Variants in NOX5 observed in about 807,000 individuals in gnomAD.
NOX5 encodes the protein NADPH oxidase 5.
Under a neutral mutation model 85.7 loss-of-function variants are expected in NOX5, and 76 were observed. The ratio of observed to expected loss-of-function variants is 0.89; its 90% CI spans 0.74 to 1.07. NOX5 has a LOEUF of 1.07. Ranked by LOEUF, NOX5 falls within the 50% of genes least tolerant of loss-of-function variation. The pLI, the probability that NOX5 is intolerant of heterozygous loss-of-function variation, is 0.00. For missense variants in NOX5, 973 were observed against 999.5 expected (o/e 0.97, Z 0.36); for synonymous variants, 405 against 401.4 (o/e 1.01, Z -0.11).
At chr15:69,032,874 A>C (rs1260486114) in intron 4 of NOX5, among the ~76,000 whole-genome samples, 169 bp from the exon 5 acceptor site, 1 of 152,092 alleles carries the variant, frequency 6.6e-6, no homozygotes, top group African/African-American at 2.4e-5. Flanking sequence ...AGCTCCGCGG[A>C]GCTGTGCGAC....
Position 69,042,716 on chromosome 15 carries a change from G to A in NOX5, c.1558G>A (p.Glu520Lys), listed in dbSNP as rs1399390610. The A allele has an allele frequency of 6.2e-7, 1 of 1,614,156 alleles. No individual in the cohort carries two copies. Among genetic ancestry groups the A allele is most frequent in the Non-Finnish European group, 8.5e-7 (1 of 1,180,034 alleles). The change falls in exon 10 of 16, where the codon GAG (glutamate) becomes AAG (lysine). Residue 520 changes from glutamate to lysine, a missense_variant. Glu to Lys is a moderately conservative substitution (Grantham distance 56, BLOSUM62 1). Coordinates refer to ENST00000388866, the MANE Select transcript of NOX5 (RefSeq NM_024505.4). ...SQGQWTNRLYESFKASDPLGR... is the reference protein window; with the variant it reads ...SQGQWTNRLYKSFKASDPLGR... ...AGGCCAGTGGACAAACAGGCTGTAT[G>A]AGTCCTTCAAGGCATCAGACCCACT... is the stretch of plus-strand genomic sequence containing the variant.
At position 69,014,720 on chromosome 15, in the gene NOX5, T is replaced by C; in HGVS notation, c.-16T>C. 1 of 1,550,588 alleles carries C rather than the reference T, an allele frequency of 6.4e-7. No homozygotes were observed. The highest frequency in any genetic ancestry group is 8.7e-7 in the Non-Finnish European group (1 of 1,146,942). ...AGCAGTCTTTCTGGGACCTGTGATC[T>C]AGAAGACAGGAGAAGATGAACACAT... On this transcript the variant is annotated 5_prime_UTR_variant, in exon 1 of 16. Transcript: ENST00000388866.
chr15:69,028,364 T>G lies in NOX5; in HGVS notation c.324T>G (p.Asp108Glu). 1 of 1,595,330 alleles carries G rather than the reference T, an allele frequency of 6.3e-7. No homozygotes were observed. Among genetic ancestry groups the G allele is most frequent in the Non-Finnish European group, 8.6e-7 (1 of 1,169,576 alleles). ...LKFLFQVYDI[D>E]VCARQGASAG... The stretch of plus-strand genomic sequence containing the variant: ...TCCTCTTCCAGGTGTATGACATCGA[T>G]GGTAAGGGCTCTTCCTGGGTGTGGG... Residue 108 changes from aspartate to glutamate, a missense_variant and splice_region_variant, in exon 3 of 16, where the codon GAT becomes GAG. Transcript: ENST00000388866.
chr15:69,057,498 C>A lies in NOX5; in HGVS notation c.*802C>A, dbSNP rs764157593. 1.3e-5 allele frequency: 2 copies of A among 152,286 alleles called. No homozygotes were observed. The highest frequency in any genetic ancestry group is 2.9e-5 in the Non-Finnish European group (2 of 68,082). 9.4% of individuals were successfully genotyped at this position (152,286 alleles called of 1,614,324 possible). ...TCTCCCTCTCTCCTGGCGCGTCCCT[C>A]AGAGCCTCTCTGGGCTCTGTATGCT... On this transcript the variant is annotated 3_prime_UTR_variant, in exon 16 of 16. Transcript: ENST00000388866.
chr15:69,022,917 G>A (rs2050312301), intron 1 of NOX5: 2 of 482,260 alleles, frequency 4.1e-6, no homozygotes, highest in African/African-American at 2.0e-5. Context: ...GGATGTCTAA[G>A]TAGGGACGAA....
chr15:69,026,438 T>C, intron 1 of NOX5, 90 bp from the exon 2 acceptor site: 1 of 1,553,282 alleles, frequency 6.4e-7, no homozygotes, highest in East Asian at 2.3e-5. Flanking sequence ...GGGCCCTAGT[T>C]AGAGCAAGGC....
In NOX5 at chr15:69,060,784, A is replaced by C. The variant is rs2050863847; in HGVS notation, c.*4088A>C. 6.6e-6 allele frequency: 1 copy of C among 152,226 alleles called. No homozygotes were observed. Among genetic ancestry groups the C allele is most frequent in the Admixed American group, 6.5e-5 (1 of 15,282 alleles). 9.4% of individuals were successfully genotyped at this position (152,226 alleles called of 1,614,324 possible). A position where few individuals can be genotyped will look rare whatever the true frequency, so the allele number is the denominator to read the frequency against. ...AATGACATATGTATATCATGTGGGG[A>C]TAAATAGATAAAAATACACGGAAAG... On this transcript the variant is annotated 3_prime_UTR_variant, in exon 16 of 16. Coordinates refer to ENST00000388866, the MANE Select transcript of NOX5 (RefSeq NM_024505.4).
chr15:69,027,437 G>A (rs2050372282), intron 2 of NOX5, among the ~76,000 whole-genome samples: 1 of 152,148 alleles, frequency 6.6e-6, no homozygotes, highest in Non-Finnish European at 1.5e-5. Flanking sequence ...CCAAGGCAAG[G>A]TGGCAGTTTT....
chr15:69,024,992 ATATT>A (rs1039814366), intron 1 of NOX5, among the ~76,000 whole-genome samples: 14 of 152,080 alleles, frequency 9.2e-5, no homozygotes, highest in African/African-American at 2.7e-4. Flanking sequence ...TTTATTTTTA[ATATT>A]TATTTAGTCT....
intron 10 of NOX5, 110 bp downstream of exon 10, chr15:69,042,915 A>G: frequency 8.4e-7 from 1 of 1,197,066 alleles, no homozygotes; most frequent in Non-Finnish European, 1.2e-6. Context: ...CTGTGTACAT[A>G]GATGGCAGCA....
rs1394882321 is a variant in NOX5, at chr15:69,035,854, C to T, written c.1106C>T (p.Pro369Leu). The T allele has an allele frequency of 1.1e-5, 17 of 1,614,090 alleles. No homozygotes were observed. Among genetic ancestry groups the T allele is most frequent in the Admixed American group, 1.0e-4 (6 of 60,022 alleles). Residue 369 changes from proline to leucine, a missense_variant, in exon 7 of 16, where the codon CCG (proline) becomes CTG (leucine). Pro to Leu is a moderately conservative substitution (Grantham distance 98, BLOSUM62 -3). Coordinates refer to ENST00000388866, the MANE Select transcript of NOX5 (RefSeq NM_024505.4). ...GGCTGGGTACACGGTTCGGCCTCCCCGACAGGTGTCGCTCTGCTGCTGCTG... is the reference window on the plus strand; with the variant it reads ...GGCTGGGTACACGGTTCGGCCTCCCTGACAGGTGTCGCTCTGCTGCTGCTG... ...GIGWVHGSAS[P>L]TGVALLLLLL...
rs1418497020 is a variant in NOX5, at chr15:69,031,753, C to T, written c.561C>T (p.Phe187=). The T allele has an allele frequency of 5.0e-6, 8 of 1,611,194 alleles. No homozygotes were observed. In the African/African-American group the frequency reaches 5.3e-5, roughly 11 times the overall value. ...ADADGNGAIT[F]EELRDELQRF... ...CGGACGGCAACGGGGCCATCACCTT[C>T]GAGGAGCTCCGGGACGAGCTGCAGC... The change falls in exon 4 of 16, where the codon TTC becomes TTT. Residue 187 remains phenylalanine (F), a synonymous_variant. Transcript: ENST00000388866.
intron 1 of NOX5, 99 bp downstream of exon 1, chr15:69,014,884 G>C: frequency 1.1e-6 from 1 of 912,146 alleles, no homozygotes; most frequent in Non-Finnish European, 1.7e-6. Flanking sequence ...TGTCTGCCTT[G>C]GGCAGAAATC....
At chr15:69,016,862 T>A (rs1228426028) in intron 1 of NOX5, among the ~76,000 whole-genome samples, 1 of 151,734 alleles carries the variant, frequency 6.6e-6, no homozygotes, top group African/African-American at 2.4e-5. Context: ...AAAATAAAAA[T>A]CTAATCCCCT....
chr15:69,046,137 A>C (rs1254483786), intron 10 of NOX5: 2 of 152,324 alleles, frequency 1.3e-5, no homozygotes, highest in African/African-American at 4.8e-5. Context: ...CCAGAAGGAA[A>C]GGCATTGACT....
intron 3 of NOX5, chr15:69,028,671 G>A (rs2050391384): frequency 4.6e-6 from 1 of 215,084 alleles, no homozygotes; most frequent in Admixed American, 5.6e-5. Flanking sequence ...TCTTTTCTAT[G>A]TCTGAAAAAG....
In NOX5 at chr15:69,038,900, G is replaced by T; in HGVS notation, c.1415G>T (p.Arg472Ile). 6.2e-7 allele frequency: 1 copy of T among 1,613,934 alleles called. No individual in the cohort carries two copies. The highest frequency in any genetic ancestry group is 2.2e-5 in the East Asian group (1 of 44,864). Residue 472 changes from arginine (R) to isoleucine (I), a missense_variant, in exon 9 of 16, where the codon AGA (arginine) becomes ATA (isoleucine). Coordinates refer to ENST00000388866, the MANE Select transcript of NOX5 (RefSeq NM_024505.4). ...AAGCGGCCCCCTTTTTTTCACTATA[G>T]ACCTGGTGACTACTTGTATCTGAAC... ...LIKRPPFFHY[R>I]PGDYLYLNIP...
rs1276698452 is a variant in NOX5 at position 69,047,402 on chromosome 15, C to G, written c.1693-11C>G. ...CCCCATCTCTCTTCTCTGATGCCCT[C>G]TTGTGCACAGTGCTACATCGATGGG... is the stretch of plus-strand genomic sequence containing the variant. On this transcript the variant is annotated splice_polypyrimidine_tract_variant and intron_variant, in intron 11 of 15. Coordinates refer to ENST00000388866, the MANE Select transcript of NOX5 (RefSeq NM_024505.4). 6.2e-7 allele frequency: 1 copy of G among 1,605,846 alleles called. No homozygotes were observed. The highest frequency in any genetic ancestry group is 1.7e-5 in the Admixed American group (1 of 58,724).
intron 10 of NOX5, 130 bp downstream of exon 10, chr15:69,042,935 T>G: frequency 1.4e-5 from 13 of 959,306 alleles, no homozygotes; most frequent in Non-Finnish European, 1.8e-5. Context: ...ACAAGGGGGT[T>G]AGGCAACTGC....
Sources: gnomAD v4.1 joint callset for allele counts (sites outside exome capture counted in the v4.1 genomes callset) on GRCh38, gnomAD v4.1.1 for gene constraint, MANE v1.5 for transcripts, NCBI Gene and HGNC (gene_info 2026-07-23, HGNC 2026-07-21) for gene names.